The following VOPP1 variants were observed in gnomAD, a reference collection of about 807,000 sequenced individuals.
VOPP1 encodes the protein WW domain binding protein VOPP1.
VOPP1 carries 8 observed loss-of-function variants against 23.5 expected under a neutral mutation model. The observed-to-expected ratio is 0.34, with a 90% CI of 0.20 to 0.61. VOPP1 has a LOEUF of 0.61. Among genes scored for constraint, VOPP1 ranks in the 20% least tolerant of loss-of-function variants. VOPP1 has a pLI of 0.78. For missense variants in VOPP1, 174 were observed against 238.1 expected (o/e 0.73, Z 1.77); for synonymous variants, 83 against 97.3 (o/e 0.85, Z 0.86).
At chr7:55,552,812 C>G in intron 1 of VOPP1, 7 of 1,476,616 alleles carry the variant, frequency 4.7e-6, no homozygotes, top group Non-Finnish European at 4.5e-6. Context: ...TGGGCTGAGT[C>G]ACTCAGCCAT....
intron 1 of VOPP1, among the ~76,000 whole-genome samples, chr7:55,548,109 A>AT (rs1440637050): frequency 1.3e-5 from 2 of 152,170 alleles, no homozygotes; most frequent in African/African-American, 4.8e-5. Context: ...GGGATGCAAA[A>AT]TTTGTCTGAC....
intron 4 of VOPP1, among the ~76,000 whole-genome samples, chr7:55,483,138 C>A (rs1221898210): frequency 2.0e-5 from 3 of 152,158 alleles, no homozygotes; most frequent in African/African-American, 7.2e-5. Context: ...CACAGCCCAT[C>A]CTTCAATGCT....
At chr7:55,566,640 T>C (rs1479202931) in intron 1 of VOPP1, among the ~76,000 whole-genome samples, 1 of 152,228 alleles carries the variant, frequency 6.6e-6, no homozygotes, top group East Asian at 1.9e-4. Context: ...AATTTGATAT[T>C]TGTTTTTCCA....
intron 1 of VOPP1, chr7:55,521,548 T>C: frequency 1.0e-6 from 1 of 998,188 alleles, no homozygotes; most frequent in Non-Finnish European, 1.2e-6. Context: ...AGCTGTATAT[T>C]TCAGAATATG....
chr7:55,514,058 C>T (rs1483952530), intron 2 of VOPP1, among the ~76,000 whole-genome samples: 2 of 152,158 alleles, frequency 1.3e-5, no homozygotes, highest in South Asian at 2.1e-4. Flanking sequence ...TCCACCCCAG[C>T]GTCTGACTGG....
intron 1 of VOPP1, among the ~76,000 whole-genome samples, chr7:55,554,118 T>A (rs1214129575): frequency 6.6e-6 from 1 of 152,250 alleles, no homozygotes; most frequent in Non-Finnish European, 1.5e-5. Context: ...CAGAGAGGTA[T>A]GCCAGTAAGA....
At chr7:55,561,998 C>T (rs1196760754) in intron 1 of VOPP1, 3 of 703,446 alleles carry the variant, frequency 4.3e-6, no homozygotes, top group Non-Finnish European at 7.8e-6. Context: ...GTTCAGTCTG[C>T]TGTACTGGAT....
chr7:55,443,086 T>C (rs1217305876), intron 4 of VOPP1, among the ~76,000 whole-genome samples: 1 of 150,490 alleles, frequency 6.6e-6, no homozygotes, highest in Middle Eastern at 3.2e-3. Flanking sequence ...GCCACTGAAC[T>C]CCAGCCCGGG....
intron 2 of VOPP1, among the ~76,000 whole-genome samples, chr7:55,510,061 C>A (rs1375639522): frequency 6.6e-6 from 1 of 152,118 alleles, no homozygotes; most frequent in African/African-American, 2.4e-5. Context: ...TAATAAGATG[C>A]AGATGAACTG....
intron 1 of VOPP1, chr7:55,571,621 C>T (rs1038757180): frequency 1.3e-5 from 2 of 152,312 alleles, no homozygotes; most frequent in African/African-American, 4.8e-5. Context: ...CGGGCGCTCG[C>T]ACCCGGAAGC....
chr7:55,562,028 C>G (rs932698203), intron 1 of VOPP1: 1 of 703,538 alleles, frequency 1.4e-6, no homozygotes, highest in Admixed American at 2.0e-5. Context: ...TGATCCTCAT[C>G]TATGCATCAG....
At position 55,521,073 on chromosome 7, in the gene VOPP1, T is replaced by C. The variant is rs748008545; in HGVS notation, c.112A>G (p.Ile38Val). The C allele has an allele frequency of 7.0e-6, 11 of 1,576,286 alleles. No homozygotes were observed. Among genetic ancestry groups the C allele is most frequent in the Admixed American group, 1.8e-5 (1 of 54,288 alleles). ...YFEGLYPTYY[I>V]CRSYEDCCGS... ...CCACAGAAAGGTGCAAATACTTACA[T>C]ATAATAGGTTGGATAGAGTCCTTCG... The change falls in exon 2 of 5, where the codon ATA becomes GTA. Residue 38 changes from isoleucine to valine, a missense_variant and splice_region_variant. Transcript: ENST00000285279.
chr7:55,572,043 G>A (rs1021365101), intron 1 of VOPP1, among the ~76,000 whole-genome samples: 1 of 152,156 alleles, frequency 6.6e-6, no homozygotes, highest in Non-Finnish European at 1.5e-5. Context: ...TGGGGGCGGG[G>A]TGCGAAAACC....
At chr7:55,466,729 G>A (rs2129004911), downstream of VOPP1, among the ~76,000 whole-genome samples, 1 of 152,308 alleles carries the variant, frequency 6.6e-6, no homozygotes, top group Middle Eastern at 3.4e-3. Context: ...TTGGGTTCAA[G>A]TGATCCTCCT....
At chr7:55,566,500 T>G (rs1798168313) in intron 1 of VOPP1, among the ~76,000 whole-genome samples, 1 of 152,098 alleles carries the variant, frequency 6.6e-6, no homozygotes, top group African/African-American at 2.4e-5. Context: ...AGGAAGAGGT[T>G]GCAGTGAGCC....
chr7:55,566,166 A>G (rs1269604284), intron 1 of VOPP1, among the ~76,000 whole-genome samples: 1 of 152,210 alleles, frequency 6.6e-6, no homozygotes, highest in Non-Finnish European at 1.5e-5. Flanking sequence ...AAGGACAAAG[A>G]GAAGCTGGAG....
At chr7:55,570,389 T>C (rs1798307689) in intron 1 of VOPP1, among the ~76,000 whole-genome samples, 1 of 152,218 alleles carries the variant, frequency 6.6e-6, no homozygotes, top group African/African-American at 2.4e-5. Context: ...TGTGAAAGTA[T>C]CATCTTAGGC....
intron 1 of VOPP1, among the ~76,000 whole-genome samples, chr7:55,558,780 T>C (rs539606403): frequency 9.2e-5 from 14 of 152,296 alleles, no homozygotes; most frequent in African/African-American, 3.1e-4. Flanking sequence ...AAACACAGCA[T>C]GGCTACAGGG....
chr7:55,537,647 G>A (rs1189941468), intron 1 of VOPP1: 20 of 1,518,022 alleles, frequency 1.3e-5, no homozygotes, highest in African/African-American at 6.9e-5. Flanking sequence ...AAGCTCTGGC[G>A]CCCGCAGACC....
Sources: gnomAD v4.1 joint callset for allele counts (sites outside exome capture counted in the v4.1 genomes callset) on GRCh38, gnomAD v4.1.1 for gene constraint, MANE v1.5 for transcripts, NCBI Gene and HGNC (gene_info 2026-07-23, HGNC 2026-07-21) for gene names.